LARGE1: variants seen among roughly 807,000 people sequenced by gnomAD.
LARGE1 encodes the protein LARGE xylosyl- and glucuronyltransferase 1, also known as xylosyl- and glucuronyltransferase LARGE1.
Under a neutral mutation model 87.6 loss-of-function variants are expected in LARGE1, and 43 were observed. That is an observed-to-expected ratio of 0.49 (90% CI 0.38 to 0.63). The LOEUF (loss-of-function observed/expected upper bound fraction) is 0.63. Among genes scored for constraint, LARGE1 ranks in the 30% least tolerant of loss-of-function variants. LARGE1 has a pLI of 0.00. For missense variants in LARGE1, 802 were observed against 1,000.2 expected (o/e 0.80, Z 2.67); for synonymous variants, 434 against 394.6 (o/e 1.10, Z -1.18).
intron 1 of LARGE1, among the ~76,000 whole-genome samples, chr22:33,881,198 GC>G (rs1243491730): frequency 1.3e-5 from 2 of 152,040 alleles, no homozygotes; most frequent in African/African-American, 2.4e-5. Context: ...ACAGTTACGA[GC>G]CCCCCGGGGC....
chr22:33,715,695 T>C (rs1277256080), intron 2 of LARGE1, among the ~76,000 whole-genome samples: 1 of 152,130 alleles, frequency 6.6e-6, no homozygotes, highest in Non-Finnish European at 1.5e-5. Context: ...AAGTTCCCAG[T>C]TCAGAAATTC....
At chr22:33,468,409 C>T (rs1192836211) in intron 6 of LARGE1, among the ~76,000 whole-genome samples, 2 of 152,100 alleles carry the variant, frequency 1.3e-5, no homozygotes, top group Non-Finnish European at 2.9e-5. Context: ...CAAGGTCAGC[C>T]TGGGCAACAC....
intron 2 of LARGE1, among the ~76,000 whole-genome samples, chr22:33,683,659 G>A (rs1008290903): frequency 6.6e-6 from 1 of 151,290 alleles, no homozygotes; most frequent in Non-Finnish European, 1.5e-5. Flanking sequence ...ACAGACAGAC[G>A]ATAGACAGAA....
rs567123412 is a variant in LARGE1, at chr22:33,604,533, T to C, written c.517A>G (p.Ile173Val). Residue 173 changes from isoleucine to valine, a missense_variant, in exon 5 of 15, where the codon ATT becomes GTT. Physicochemically the swap from Ile to Val is conservative, Grantham distance 29. This residue lies in a region of LARGE1 where 625 missense variants were observed against 841.9 expected (regional missense o/e 0.74). Coordinates refer to ENST00000397394, the MANE Select transcript of LARGE1 (RefSeq NM_133642.5). ...HRRNPLHFHL[I>V]ADSIAEQILA... The stretch of plus-strand genomic sequence containing the variant: ...ATCTGCTCCGCAATGGAGTCAGCAA[T>C]AAGGTGGAAGTGCAGAGGGTTCCGT... 8 of 1,613,782 alleles carry C rather than the reference T, an allele frequency of 5.0e-6. No homozygotes were observed. The South Asian group carries it at 8.8e-5, about 18-fold the overall frequency.
chr22:33,518,929 G>A (rs1427744687), intron 6 of LARGE1, among the ~76,000 whole-genome samples: 1 of 152,114 alleles, frequency 6.6e-6, no homozygotes, highest in Non-Finnish European at 1.5e-5. Context: ...CATCCTAGAT[G>A]TTTCTGCCCC....
chr22:33,583,357 G>A (rs1316871164), intron 5 of LARGE1, among the ~76,000 whole-genome samples: 8 of 152,148 alleles, frequency 5.3e-5, no homozygotes, highest in Non-Finnish European at 1.2e-4. Flanking sequence ...CCATCACAGG[G>A]CAAAATATTA....
At chr22:33,295,950 A>C (rs1933189478) in intron 12 of LARGE1, among the ~76,000 whole-genome samples, 1 of 152,242 alleles carries the variant, frequency 6.6e-6, no homozygotes, top group Non-Finnish European at 1.5e-5. Context: ...AGAGAAGCTA[A>C]GAAGGAGCTT....
intron 11 of LARGE1, among the ~76,000 whole-genome samples, chr22:33,195,726 T>C (rs953772991): frequency 6.6e-6 from 1 of 150,682 alleles, no homozygotes; most frequent in Non-Finnish European, 1.5e-5. Flanking sequence ...AAAGAAGTAG[T>C]GCCTAAAATT....
chr22:33,446,071 G>A (rs1044245089), intron 6 of LARGE1, among the ~76,000 whole-genome samples: 2 of 152,172 alleles, frequency 1.3e-5, no homozygotes, highest in Admixed American at 6.5e-5. Context: ...GCAGGGAGGC[G>A]GCAGTGGCTG....
intron 1 of LARGE1, among the ~76,000 whole-genome samples, chr22:33,865,582 T>C (rs546962840): frequency 2.5e-4 from 38 of 152,202 alleles, no homozygotes; most frequent in African/African-American, 8.9e-4. Context: ...ATCCTTTCCA[T>C]GGTGATATCC....
chr22:33,726,095 C>CTT (rs34786121), intron 2 of LARGE1: 198 of 137,298 alleles, frequency 1.4e-3, no homozygotes, highest in Middle Eastern at 3.7e-3. Context: ...CACAGCTACT[C>CTT]TTTTTTTTTT....
chr22:33,545,373 C>A (rs1296371193), intron 6 of LARGE1, among the ~76,000 whole-genome samples: 2 of 150,256 alleles, frequency 1.3e-5, no homozygotes, highest in Admixed American at 1.3e-4. Flanking sequence ...TTCAACTCAG[C>A]CTCCCAAGTA....
At chr22:33,598,403 T>C (rs1202527850) in intron 5 of LARGE1, among the ~76,000 whole-genome samples, 1 of 152,206 alleles carries the variant, frequency 6.6e-6, no homozygotes, top group East Asian at 1.9e-4. Context: ...CTTTAAGTTA[T>C]GGGATACATG....
At chr22:33,243,106 G>T (rs1308804976) in intron 11 of LARGE1, among the ~76,000 whole-genome samples, 3 of 152,176 alleles carry the variant, frequency 2.0e-5, no homozygotes, top group Admixed American at 1.3e-4. Flanking sequence ...ACATTCTGAG[G>T]TAGCAAGGGT....
intron 7 of LARGE1, among the ~76,000 whole-genome samples, chr22:33,390,291 C>T (rs1391325378): frequency 2.6e-5 from 4 of 152,196 alleles, no homozygotes; most frequent in African/African-American, 9.7e-5. Flanking sequence ...CTTCCTGAGC[C>T]TCCTCTAATC....
At chr22:33,814,491 A>AGACAGACAG in intron 1 of LARGE1, among the ~76,000 whole-genome samples, 1 of 152,326 alleles carries the variant, frequency 6.6e-6, no homozygotes, top group East Asian at 1.9e-4. Context: ...TAATATCTAC[A>AGACAGACAG]ATCAGTTGAC....
At chr22:33,351,027 A>C (rs1014062412) in intron 9 of LARGE1, among the ~76,000 whole-genome samples, 6 of 152,184 alleles carry the variant, frequency 3.9e-5, no homozygotes, top group African/African-American at 1.4e-4. Flanking sequence ...TTATGTTTTC[A>C]TTGCACGTTT....
intron 2 of LARGE1, among the ~76,000 whole-genome samples, chr22:33,749,409 A>G (rs1476193246): frequency 6.6e-6 from 1 of 152,136 alleles, no homozygotes; most frequent in East Asian, 1.9e-4. Context: ...CACAGCGCCC[A>G]GCCCTGTGCT....
At chr22:33,719,812 A>G (rs75811477) in intron 2 of LARGE1, among the ~76,000 whole-genome samples, 1 of 152,026 alleles carries the variant, frequency 6.6e-6, no homozygotes, top group Non-Finnish European at 1.5e-5. Flanking sequence ...GAGCCACCGC[A>G]CCTGGCTCAT....
Sources: allele counts gnomAD v4.1 joint callset (sites outside exome capture counted in the v4.1 genomes callset), GRCh38; gene constraint gnomAD v4.1.1; regional missense constraint gnomAD v4.1.1; transcripts MANE v1.5; gene names NCBI Gene and HGNC (gene_info 2026-07-23, HGNC 2026-07-21).